Variants in DOCK3 observed in about 807,000 individuals in gnomAD.
DOCK3 encodes the protein dedicator of cytokinesis 3, also known as dedicator of cytokinesis protein 3.
In DOCK3, 60 loss-of-function variants were observed where a neutral mutation model predicts 265.6. That is an observed-to-expected ratio of 0.23 (90% CI 0.18 to 0.28). The LOEUF is 0.28. Among genes scored for constraint, DOCK3 ranks in the 10% least tolerant of loss-of-function variants. The probability of loss-of-function intolerance (pLI) is 1.00; values close to 1 mark genes in which losing one functional copy is unlikely to be tolerated. For missense variants in DOCK3, 1,981 were observed against 2,594.3 expected, an observed-to-expected ratio of 0.76 and a Z score of 5.14; for synonymous variants, 881 against 938.0, an observed-to-expected ratio of 0.94 and a Z score of 1.11.
intron 5 of DOCK3, among the ~76,000 whole-genome samples, chr3:50,989,141 C>A (rs555339929): frequency 6.6e-6 from 1 of 152,246 alleles, no homozygotes; most frequent in East Asian, 1.9e-4. Context: ...AGACAGGAAA[C>A]CCCTGGCTTG....
chr3:51,151,311 A>G (rs1263376070), intron 10 of DOCK3, among the ~76,000 whole-genome samples: 1 of 152,122 alleles, frequency 6.6e-6, no homozygotes, highest in Non-Finnish European at 1.5e-5. Context: ...GCCCATTTAC[A>G]TTTAAGGTCA....
intron 2 of DOCK3, chr3:50,786,914 C>G: frequency 1.4e-6 from 1 of 737,606 alleles, no homozygotes; most frequent in Non-Finnish European, 2.6e-6. Context: ...GAGTGACATA[C>G]TGCATTTGAA....
intron 5 of DOCK3, among the ~76,000 whole-genome samples, chr3:51,012,285 G>A (rs923879666): frequency 4.6e-5 from 7 of 152,264 alleles, no homozygotes; most frequent in Admixed American, 1.3e-4. Flanking sequence ...CTTGAGCTGC[G>A]GTGGGCTCCA....
chr3:51,339,945 T>C (rs749809059), intron 37 of DOCK3, among the ~76,000 whole-genome samples: 3 of 152,206 alleles, frequency 2.0e-5, no homozygotes, highest in Non-Finnish European at 4.4e-5. Context: ...TTGGCATAGA[T>C]GGTATCTTAT....
At chr3:50,917,867 A>G (rs1048257133) in intron 4 of DOCK3, among the ~76,000 whole-genome samples, 2 of 152,018 alleles carry the variant, frequency 1.3e-5, no homozygotes, top group African/African-American at 4.8e-5. Context: ...CCATTAACTC[A>G]TCATTTACAT....
At chr3:51,217,154 G>GT (rs11382989) in intron 14 of DOCK3, among the ~76,000 whole-genome samples, 135,542 of 149,292 alleles carry the variant, frequency 0.91, 61,603 homozygotes, top group African/African-American at 0.95. Context: ...ATTTGGAAAG[G>GT]TTTTTTTTTT....
At chr3:51,378,628 TTTC>T (rs2088337077) in intron 51 of DOCK3, among the ~76,000 whole-genome samples, 1 of 152,230 alleles carries the variant, frequency 6.6e-6, no homozygotes, top group African/African-American at 2.4e-5. Context: ...AAAGGACATA[TTTC>T]TTTTTGCTGG....
At chr3:51,079,368 T>C (rs2082151632) in intron 7 of DOCK3, among the ~76,000 whole-genome samples, 1 of 152,178 alleles carries the variant, frequency 6.6e-6, no homozygotes, top group Non-Finnish European at 1.5e-5. Flanking sequence ...AGTCTGTCTT[T>C]GTTGCCATGG....
chr3:51,010,220 T>C (rs2078887527), intron 5 of DOCK3, among the ~76,000 whole-genome samples: 1 of 152,200 alleles, frequency 6.6e-6, no homozygotes, highest in African/African-American at 2.4e-5. Flanking sequence ...CAGTGGGCTG[T>C]TAAAGTCTCC....
At chr3:51,089,862 G>A (rs2082570117) in intron 8 of DOCK3, among the ~76,000 whole-genome samples, 2 of 134,134 alleles carry the variant, frequency 1.5e-5, no homozygotes, top group Non-Finnish European at 3.0e-5. Flanking sequence ...TCATGCTACT[G>A]CACTCCAGTC....
intron 9 of DOCK3, among the ~76,000 whole-genome samples, chr3:51,126,393 G>T (rs2084267745): frequency 6.6e-6 from 1 of 152,172 alleles, no homozygotes; most frequent in African/African-American, 2.4e-5. Flanking sequence ...ACTTCTCTCT[G>T]TAAGTACTTC....
chr3:51,100,090 G>A (rs529049562), intron 9 of DOCK3, among the ~76,000 whole-genome samples: 1 of 152,238 alleles, frequency 6.6e-6, no homozygotes, highest in East Asian at 1.9e-4. Flanking sequence ...GATGACAGAC[G>A]ATGGTGGCTT....
intron 27 of DOCK3, among the ~76,000 whole-genome samples, chr3:51,281,527 T>C (rs1034409685): frequency 2.6e-5 from 4 of 152,166 alleles, no homozygotes; most frequent in Non-Finnish European, 4.4e-5. Context: ...CTTTCTAATA[T>C]ATCTCTTCTT....
In DOCK3 at chr3:51,375,920, G is replaced by A. The variant is rs567833921; in HGVS notation, c.5500+85G>A. On this transcript the variant is annotated intron_variant, in intron 51 of 52. Coordinates refer to ENST00000266037, the MANE Select transcript of DOCK3 (RefSeq NM_004947.5). ...TGTCCCTGAGTACCAGCTGGCCAGG[G>A]CTAAGCCATACTTCAACACTCAGGT... 2.2e-4 allele frequency: 310 copies of A among 1,429,738 alleles called. 1 individual carries two copies. In the South Asian group the frequency reaches 3.4e-3, roughly 16 times the overall value. The allele number at this position is 1,429,738 out of a possible 1,614,324, so 88.6% of individuals were successfully genotyped here.
intron 3 of DOCK3, among the ~76,000 whole-genome samples, chr3:50,868,378 T>C (rs2047248555): frequency 6.6e-6 from 1 of 152,114 alleles, no homozygotes; most frequent in African/African-American, 2.4e-5. Flanking sequence ...GGCCTGCTTT[T>C]GTTTTTTCTT....
intron 1 of DOCK3, among the ~76,000 whole-genome samples, chr3:50,679,724 G>A (rs1401985701): frequency 6.6e-6 from 1 of 152,210 alleles, no homozygotes; most frequent in Non-Finnish European, 1.5e-5. Context: ...TATTCAGTGA[G>A]GGAAGCCCAA....
At chr3:50,898,664 T>C (rs868619364) in intron 4 of DOCK3, 1 of 152,230 alleles carries the variant, frequency 6.6e-6, no homozygotes, top group Non-Finnish European at 1.5e-5. Context: ...GTCCCAGAGA[T>C]TCTGGTATGT....
Position 51,315,967 on chromosome 3 carries a change from G to A in DOCK3, c.3402+839G>A, listed in dbSNP as rs570809134. ...GAATAGGTGACTGTAACAGTGAGAA[G>A]TAGACCAGGCAAACAGTAATTTTTA... On this transcript the variant is annotated intron_variant, in intron 32 of 52. Coordinates refer to ENST00000266037, the MANE Select transcript of DOCK3 (RefSeq NM_004947.5). 2.6e-5 allele frequency among the ~76,000 whole-genome samples: 4 copies of A among 152,156 alleles called. No homozygotes were observed. The South Asian group carries it at 8.3e-4, about 31-fold the overall frequency.
intron 3 of DOCK3, among the ~76,000 whole-genome samples, chr3:50,853,965 G>A (rs949356646): frequency 2.6e-5 from 4 of 150,962 alleles, no homozygotes; most frequent in African/African-American, 9.7e-5. Context: ...CTGCGTCCTC[G>A]AGAACATCTG....
Sources: allele counts gnomAD v4.1 joint callset (sites outside exome capture counted in the v4.1 genomes callset), GRCh38; gene constraint gnomAD v4.1.1; transcripts MANE v1.5; gene names NCBI Gene and HGNC (gene_info 2026-07-23, HGNC 2026-07-21).